The following ZFR variants were observed in gnomAD, a reference collection of about 807,000 sequenced individuals.
ZFR encodes zinc finger RNA-binding protein.
ZFR carries 19 observed loss-of-function variants against 130.7 expected under a neutral mutation model. The observed-to-expected ratio is 0.15, with a 90% CI of 0.10 to 0.21. ZFR has a LOEUF of 0.21. Ranked by LOEUF, ZFR falls within the 10% of genes least tolerant of loss-of-function variation. The pLI, the probability that ZFR is intolerant of heterozygous loss-of-function variation, is 1.00. For synonymous variants in ZFR, 466 were observed against 456.9 expected (o/e 1.02, Z -0.25); for missense variants, 872 against 1,321.5 (o/e 0.66, Z 5.27).
At chr5:32,377,200 T>C (rs1426206359) in intron 17 of ZFR, among the ~76,000 whole-genome samples, 1 of 145,582 alleles carries the variant, frequency 6.9e-6, no homozygotes, top group Non-Finnish European at 1.5e-5. Flanking sequence ...TTCCTTCTCT[T>C]TCTTTATTTC....
At chr5:32,368,302 C>T (rs2111674028) in intron 17 of ZFR, among the ~76,000 whole-genome samples, 1 of 152,314 alleles carries the variant, frequency 6.6e-6, no homozygotes, top group South Asian at 2.1e-4. Context: ...ATGGCGTGAT[C>T]TCAGCTCACC....
At chr5:32,380,493 T>TCAA (rs1752910045) in intron 15 of ZFR, 2 of 90,372 alleles carry the variant, frequency 2.2e-5, no homozygotes, top group African/African-American at 1.7e-4. Flanking sequence ...AAAATCCACC[T>TCAA]TAATGAGTAT....
rs1753567653 is a variant in ZFR at position 32,405,804 on chromosome 5, A to T, written c.1032+970T>A. 2.0e-5 allele frequency among the ~76,000 whole-genome samples: 3 copies of T among 152,202 alleles called. No individual in the cohort carries two copies. The South Asian group carries it at 6.2e-4, about 31-fold the overall frequency. On this transcript the variant is annotated intron_variant, in intron 6 of 19. Coordinates refer to ENST00000265069, the MANE Select transcript of ZFR (RefSeq NM_016107.5). ...AACAAAACTATTTCCTGCCATACTC[A>T]AAACAGGGGAAAAGAGGGTTTTATA... is the stretch of plus-strand genomic sequence containing the variant.
At chr5:32,381,625 A>G (rs1021749558) in intron 15 of ZFR, among the ~76,000 whole-genome samples, 1 of 152,194 alleles carries the variant, frequency 6.6e-6, no homozygotes, top group East Asian at 1.9e-4. Context: ...AAGCATTCAG[A>G]TATCTTAAAG....
chr5:32,412,671 T>C (rs1371217164), intron 5 of ZFR, among the ~76,000 whole-genome samples: 1 of 152,228 alleles, frequency 6.6e-6, no homozygotes, highest in African/African-American at 2.4e-5. Context: ...GTCCTTATTC[T>C]TGGGAAATAC....
rs556389769 is a variant in ZFR, at chr5:32,412,783, G to A, written c.784+2186C>T. 8.5e-5 allele frequency among the ~76,000 whole-genome samples: 13 copies of A among 152,300 alleles called. No individual in the cohort carries two copies. The East Asian group carries it at 2.1e-3, about 25-fold the overall frequency. On this transcript the variant is annotated intron_variant, in intron 5 of 19. Transcript: ENST00000265069. The stretch of plus-strand genomic sequence containing the variant: ...AGCCATTTGAAAATAGCCTTTAAGA[G>A]AAAGGAGAGATAAAGCAAATTTGAA...
chr5:32,393,030 C>CACTTA (rs1330533017), intron 11 of ZFR, among the ~76,000 whole-genome samples: 1 of 152,092 alleles, frequency 6.6e-6, no homozygotes. Context: ...ATACTAAAGA[C>CACTTA]ACTTACTTGC....
chr5:32,438,262 T>TTTTTTTTTTG, intron 2 of ZFR, among the ~76,000 whole-genome samples: 1 of 137,094 alleles, frequency 7.3e-6, no homozygotes, highest in Non-Finnish European at 1.6e-5. Context: ...AATTTTTTTT[T>TTTTTTTTTTG]TTTTTTTTTT....
intron 5 of ZFR, among the ~76,000 whole-genome samples, chr5:32,412,249 C>T (rs1251946030): frequency 6.6e-6 from 1 of 152,210 alleles, no homozygotes; most frequent in East Asian, 1.9e-4. Flanking sequence ...TTACTTATTA[C>T]ATGCTTCTGA....
intron 2 of ZFR, among the ~76,000 whole-genome samples, chr5:32,438,360 T>C (rs972375365): frequency 2.0e-5 from 3 of 148,408 alleles, no homozygotes; most frequent in African/African-American, 7.4e-5. Flanking sequence ...ACCTCCTGGA[T>C]TCAAGCTATT....
Position 32,355,945 on chromosome 5 carries a change from A to T in ZFR, c.3046-6T>A. The T allele has an allele frequency of 6.3e-7, 1 of 1,576,454 alleles. No homozygotes were observed. The highest frequency in any genetic ancestry group is 8.6e-7 in the Non-Finnish European group (1 of 1,166,274). ...GCAAGGAGTCTCAATGCAAACTGCA[A>T]CAAAGAGAGTCAGAATTTTGAGTTA... On this transcript the variant is annotated splice_polypyrimidine_tract_variant and splice_region_variant and intron_variant, in intron 19 of 19. Transcript: ENST00000265069.
intron 19 of ZFR, among the ~76,000 whole-genome samples, chr5:32,356,264 AC>A (rs1332300783): frequency 6.6e-6 from 1 of 152,190 alleles, no homozygotes; most frequent in African/African-American, 2.4e-5. Flanking sequence ...AATGGGAGCT[AC>A]CTGCTTTAAC....
rs528857314 is a variant in ZFR at position 32,417,527 on chromosome 5, C to T, written c.565+121G>A. On this transcript the variant is annotated intron_variant, in intron 4 of 19. Transcript: ENST00000265069. ...GGCATTTAGTAGGACAGGTCTAGAA[C>T]CTGCCTCCTAAGATGATGTGATATG... The T allele has an allele frequency of 1.4e-5, 17 of 1,256,558 alleles. No homozygotes were observed. The African/African-American group carries it at 1.6e-4, about 12-fold the overall frequency. 77.8% of individuals were successfully genotyped at this position (1,256,558 alleles called of 1,614,324 possible).
At chr5:32,400,552 A>T (rs1465177811) in intron 8 of ZFR, among the ~76,000 whole-genome samples, 1 of 152,210 alleles carries the variant, frequency 6.6e-6, no homozygotes, top group Non-Finnish European at 1.5e-5. Context: ...GTTCCTTAAA[A>T]ACTGCTAACT....
intron 12 of ZFR, 93 bp downstream of exon 12, chr5:32,390,181 AT>A: frequency 1.4e-6 from 2 of 1,442,148 alleles, no homozygotes; most frequent in Non-Finnish European, 1.9e-6. Context: ...TTACAAGATT[AT>A]TAAGTCTAAA....
intron 14 of ZFR, 43 bp downstream of exon 14, chr5:32,387,506 G>A (rs555765228): frequency 1.3e-6 from 2 of 1,599,172 alleles, no homozygotes; most frequent in South Asian, 2.3e-5. Flanking sequence ...AAAAACTTCT[G>A]AACCAGACAA....
intron 10 of ZFR, among the ~76,000 whole-genome samples, chr5:32,395,750 C>T (rs1245477086): frequency 2.0e-5 from 3 of 152,130 alleles, no homozygotes; most frequent in Non-Finnish European, 2.9e-5. Flanking sequence ...GACCCACTTC[C>T]ACTTAATGAA....
At chr5:32,371,321 G>C (rs886925700) in intron 17 of ZFR, among the ~76,000 whole-genome samples, 30 of 152,184 alleles carry the variant, frequency 2.0e-4, no homozygotes, top group African/African-American at 6.5e-4. Context: ...AGTGAGCCAG[G>C]GCTGCTCCAT....
chr5:32,393,095 C>T (rs1753218866), intron 11 of ZFR, among the ~76,000 whole-genome samples: 1 of 152,106 alleles, frequency 6.6e-6, no homozygotes, highest in South Asian at 2.1e-4. Flanking sequence ...TGTTATTCAC[C>T]ACATATGAAC....
Sources: gnomAD v4.1 joint callset for allele counts (sites outside exome capture counted in the v4.1 genomes callset) on GRCh38, gnomAD v4.1.1 for gene constraint, MANE v1.5 for transcripts, NCBI Gene and HGNC (gene_info 2026-07-23, HGNC 2026-07-21) for gene names.